Variants in PSMD9 observed in about 807,000 individuals in gnomAD.
PSMD9 encodes the protein 26S proteasome non-ATPase regulatory subunit 9.
PSMD9 carries 26 observed loss-of-function variants against 25.9 expected under a neutral mutation model. The ratio of observed to expected loss-of-function variants is 1.00; its 90% CI spans 0.73 to 1.39. The LOEUF (loss-of-function observed/expected upper bound fraction) is 1.39, where lower values mean the gene tolerates loss of function less well. PSMD9 is among the 40% of genes most tolerant of loss of function. The pLI, the probability that PSMD9 is intolerant of heterozygous loss-of-function variation, is 0.00. For missense variants in PSMD9, 303 were observed against 299.3 expected (o/e 1.01, Z -0.09); for synonymous variants, 110 against 114.5 (o/e 0.96, Z 0.25).
chr12:121,907,573 A>G (rs1424576630), intron 4 of PSMD9, among the ~76,000 whole-genome samples: 2 of 152,160 alleles, frequency 1.3e-5, no homozygotes, highest in African/African-American at 4.8e-5. Flanking sequence ...AAAATTATAA[A>G]TGACTGCTGA....
In PSMD9 at chr12:121,915,928, G is replaced by A; in HGVS notation, c.628G>A (p.Gly210Arg). 6.2e-7 allele frequency: 1 copy of A among 1,613,810 alleles called. No individual in the cohort carries two copies. The highest frequency in any genetic ancestry group is 1.3e-5 in the African/African-American group (1 of 75,060). Residue 210 changes from glycine (G) to arginine (R), a missense_variant, in exon 5 of 6, where the codon GGA becomes AGA. Gly to Arg is a moderately radical substitution (Grantham distance 125). Transcript: ENST00000541212. Reference protein sequence around the residue: ...QLRLVPTRWAGKGLLGCNIIP... With the variant: ...QLRLVPTRWARKGLLGCNIIP... ...TAGACTTGTTCCAACACGCTGGGCA[G>A]GAAAAGGACTGCTGGGGTAAAGTAT...
At chr12:121,900,529 A>G (rs868205089) in intron 3 of PSMD9, among the ~76,000 whole-genome samples, 3 of 151,442 alleles carry the variant, frequency 2.0e-5, no homozygotes, top group South Asian at 4.2e-4. Flanking sequence ...CGTCTCTACT[A>G]AAAATACGAA....
At chr12:121,898,401 CAA>C (rs1879293280) in intron 2 of PSMD9, 1 of 152,330 alleles carries the variant, frequency 6.6e-6, no homozygotes, top group Non-Finnish European at 1.5e-5. Flanking sequence ...CTGGAAAAAT[CAA>C]AGATTTTGTA....
At chr12:121,911,268 T>C (rs1233900182) in intron 4 of PSMD9, among the ~76,000 whole-genome samples, 2 of 152,142 alleles carry the variant, frequency 1.3e-5, no homozygotes, top group African/African-American at 4.8e-5. Context: ...TTAAACTCCT[T>C]ATCTCAGATG....
intron 1 of PSMD9, among the ~76,000 whole-genome samples, chr12:121,893,040 T>C (rs1401245830): frequency 4.6e-5 from 7 of 152,168 alleles, no homozygotes; most frequent in African/African-American, 7.2e-5. Flanking sequence ...GCCTTGACAA[T>C]TGCAGGATTG....
chr12:121,915,598 C>T, intron 4 of PSMD9: 1 of 472,362 alleles, frequency 2.1e-6, no homozygotes, highest in Non-Finnish European at 3.8e-6. Context: ...CAATTGTGTA[C>T]TATGTACCTT....
chr12:121,895,032 TTC>T (rs375696363), intron 2 of PSMD9, among the ~76,000 whole-genome samples, 191 bp downstream of exon 2: 12 of 151,248 alleles, frequency 7.9e-5, no homozygotes, highest in East Asian at 3.9e-4. Flanking sequence ...TGGTTTCATT[TTC>T]TCTCTCTCTC....
rs1879899508 is a variant in PSMD9 at position 121,916,293 on chromosome 12, T to A, written c.654T>A (p.Ile218=). 1 of 1,614,024 alleles carries A rather than the reference T, an allele frequency of 6.2e-7. No individual in the cohort carries two copies. The highest frequency in any genetic ancestry group is 1.1e-5 in the South Asian group (1 of 91,082). Residue 218 remains isoleucine, a synonymous_variant, in exon 6 of 6, where the codon ATT becomes ATA. Transcript: ENST00000541212. ...WAGKGLLGCN[I]IPLQR ...TTCTTCTTTCTTCCAGCTGCAACAT[T>A]ATTCCTCTGCAAAGATGATTGTCCC...
intron 4 of PSMD9, among the ~76,000 whole-genome samples, chr12:121,906,348 G>A (rs564893098): frequency 2.0e-5 from 3 of 152,072 alleles, no homozygotes; most frequent in East Asian, 1.9e-4. Flanking sequence ...TCAAGAATCC[G>A]GGTTTGGTTG....
intron 3 of PSMD9, chr12:121,902,756 C>T: frequency 2.3e-6 from 1 of 439,014 alleles, no homozygotes; most frequent in Non-Finnish European, 4.3e-6. Flanking sequence ...TAACTGCCAG[C>T]TCTCAGACAT....
Position 121,898,713 on chromosome 12 carries a change from G to C in PSMD9, c.242-921G>C, listed in dbSNP as rs569222657. ...CCGCCACCACGCCCAGCTAATTTTTGTTTTTGTTTTGTTTTGTTTTGTTTT... is the reference window on the plus strand; with the variant it reads ...CCGCCACCACGCCCAGCTAATTTTTCTTTTTGTTTTGTTTTGTTTTGTTTT... On this transcript the variant is annotated intron_variant, in intron 2 of 5. Coordinates refer to ENST00000541212, the MANE Select transcript of PSMD9 (RefSeq NM_002813.7). 16 of 156,322 alleles carry C rather than the reference G, an allele frequency of 1.0e-4. No homozygotes were observed. In the South Asian group the frequency reaches 3.0e-3, roughly 29 times the overall value. The allele number at this position is 156,322 out of a possible 1,614,324, so 9.7% of individuals were successfully genotyped here. A position where few individuals can be genotyped will look rare whatever the true frequency, so the allele number is the denominator to read the frequency against.
At chr12:121,903,236 C>CA in intron 4 of PSMD9, 129 bp downstream of exon 4, 2 of 814,082 alleles carry the variant, frequency 2.5e-6, no homozygotes. Context: ...AAGATCCAGG[C>CA]ACCAGCCAAT....
At chr12:121,911,659 CT>C (rs60603408) in intron 4 of PSMD9, among the ~76,000 whole-genome samples, 154 of 141,644 alleles carry the variant, frequency 1.1e-3, no homozygotes, top group Non-Finnish European at 9.7e-4. Flanking sequence ...AATATATGAA[CT>C]TTTTTTTTTT....
In PSMD9 at chr12:121,905,460, G is replaced by A. The variant is rs1344292433; in HGVS notation, c.555+2353G>A. Among the ~76,000 whole-genome samples, 16 of 150,834 alleles carry A rather than the reference G, an allele frequency of 1.1e-4. 1 individual carries two copies. Among genetic ancestry groups the A allele is most frequent in the East Asian group, 3.9e-4 (2 of 5,140 alleles). Reference sequence around the variant, plus strand: ...AGGATGGTCTCGATCTCCTGACCTCGTGATCCACCTGCCTTGGCCTCCCAA... The same window carrying A: ...AGGATGGTCTCGATCTCCTGACCTCATGATCCACCTGCCTTGGCCTCCCAA... On this transcript the variant is annotated intron_variant, in intron 4 of 5. Transcript: ENST00000541212.
chr12:121,889,046 TG>T (rs758613551), intron 1 of PSMD9, 52 bp downstream of exon 1: 1 of 1,544,072 alleles, frequency 6.5e-7, no homozygotes, highest in South Asian at 1.2e-5. Context: ...CCGGAGTCCC[TG>T]GGGTACTGGG....
At chr12:121,889,302 C>T (rs1032655163) in intron 1 of PSMD9, among the ~76,000 whole-genome samples, 6 of 152,232 alleles carry the variant, frequency 3.9e-5, no homozygotes, top group Non-Finnish European at 8.8e-5. Context: ...GATGCTGTTA[C>T]TCTTTCCATT....
At chr12:121,892,657 C>T (rs1271403431) in intron 1 of PSMD9, among the ~76,000 whole-genome samples, 1 of 151,148 alleles carries the variant, frequency 6.6e-6, no homozygotes, top group Non-Finnish European at 1.5e-5. Flanking sequence ...GCCAAGATCT[C>T]GCCACTGTAC....
rs180991294 is a variant in PSMD9 at position 121,910,777 on chromosome 12, C to T, written c.556-5079C>T. 1.9e-3 allele frequency among the ~76,000 whole-genome samples: 289 copies of T among 150,494 alleles called. 1 individual carries two copies. Among genetic ancestry groups the T allele is most frequent in the African/African-American group, 6.7e-3 (274 of 40,882 alleles). On this transcript the variant is annotated intron_variant, in intron 4 of 5. Transcript: ENST00000541212. ...CTTTGTCTCAAAAAAAAAAAAATTA[C>T]CATTTTAACCATTAAAAAATCTACA...
At chr12:121,905,821 T>C (rs185983045) in intron 4 of PSMD9, among the ~76,000 whole-genome samples, 500 of 152,060 alleles carry the variant, frequency 3.3e-3, no homozygotes, top group South Asian at 6.0e-3. Context: ...AGTGAGCCAC[T>C]GTGGCCTGCC....
Sources: allele counts gnomAD v4.1 joint callset (sites outside exome capture counted in the v4.1 genomes callset), GRCh38; gene constraint gnomAD v4.1.1; transcripts MANE v1.5; gene names NCBI Gene and HGNC (gene_info 2026-07-23, HGNC 2026-07-21).